Variants in TRAPPC3 observed in about 807,000 individuals in gnomAD.
TRAPPC3 encodes the protein trafficking protein particle complex 3.
TRAPPC3 carries 5 observed loss-of-function variants against 18.2 expected under a neutral mutation model. The ratio of observed to expected loss-of-function variants is 0.28; its 90% CI spans 0.14 to 0.58. TRAPPC3 has a LOEUF of 0.58. TRAPPC3 is among the 20% of genes least tolerant of loss of function. The probability of loss-of-function intolerance (pLI) is 0.91; values close to 1 mark genes in which losing one functional copy is unlikely to be tolerated. For synonymous variants in TRAPPC3, 65 were observed against 84.2 expected (o/e 0.77, Z 1.25); for missense variants, 176 against 225.9 (o/e 0.78, Z 1.41).
intron 3 of TRAPPC3, among the ~76,000 whole-genome samples, chr1:36,138,568 T>C (rs548344228): frequency 5.9e-5 from 9 of 152,218 alleles, no homozygotes; most frequent in Admixed American, 3.3e-4. Context: ...GGGTGCTATG[T>C]CATTTATTAA....
At chr1:36,137,549 G>A (rs1570079914) in intron 4 of TRAPPC3, 2 of 633,004 alleles carry the variant, frequency 3.2e-6, no homozygotes, top group African/African-American at 3.7e-5. Context: ...CACCAAATAA[G>A]CCTATCTGAG....
intron 1 of TRAPPC3, among the ~76,000 whole-genome samples, chr1:36,148,488 G>A (rs745789108): frequency 3.9e-5 from 6 of 151,950 alleles, no homozygotes; most frequent in Non-Finnish European, 8.8e-5. Flanking sequence ...CCAGCTACTC[G>A]GGAGGCTGAG....
upstream of TRAPPC3, among the ~76,000 whole-genome samples, chr1:36,154,343 CCCAT>C (rs1261978919): frequency 1.3e-5 from 2 of 152,228 alleles, no homozygotes; most frequent in Non-Finnish European, 2.9e-5. Flanking sequence ...TCTCGCGACT[CCCAT>C]CCATCCATCC....
At chr1:36,142,198 G>A (rs1049238783) in intron 1 of TRAPPC3, among the ~76,000 whole-genome samples, 8 of 89,046 alleles carry the variant, frequency 9.0e-5, no homozygotes, top group African/African-American at 2.0e-4. Context: ...GGATCAGGAG[G>A]CCCTTTGAAC....
At chr1:36,149,633 T>C, upstream of TRAPPC3, 3 of 562,616 alleles carry the variant, frequency 5.3e-6, no homozygotes, top group East Asian at 6.0e-5. Context: ...CAACTACAAC[T>C]CCCGGAGTGC....
intron 3 of TRAPPC3, among the ~76,000 whole-genome samples, chr1:36,138,648 C>T (rs765129446): frequency 1.3e-5 from 2 of 152,324 alleles, no homozygotes; most frequent in South Asian, 4.2e-4. Flanking sequence ...ATGCTAAACA[C>T]TAGCATTTTA....
intron 1 of TRAPPC3, among the ~76,000 whole-genome samples, chr1:36,144,444 G>C (rs1247859789): frequency 6.6e-6 from 1 of 151,894 alleles, no homozygotes; most frequent in Non-Finnish European, 1.5e-5. Context: ...CCTGAGCCCA[G>C]GAGTTTGAGA....
chr1:36,154,563 C>T (rs1017692430), intron 1 of TRAPPC3, among the ~76,000 whole-genome samples: 4 of 152,112 alleles, frequency 2.6e-5, no homozygotes, highest in East Asian at 1.9e-4. Flanking sequence ...CCGTCATCCC[C>T]GCAGTCCCCC....
chr1:36,153,855 C>T (rs897770644), upstream of TRAPPC3, among the ~76,000 whole-genome samples: 9 of 152,196 alleles, frequency 5.9e-5, no homozygotes, highest in African/African-American at 1.4e-4. Context: ...GCTCACCCTT[C>T]CTCTACTGAA....
intron 1 of TRAPPC3, among the ~76,000 whole-genome samples, chr1:36,142,937 C>T (rs1221523967): frequency 4.6e-5 from 7 of 152,030 alleles, no homozygotes; most frequent in South Asian, 2.1e-4. Context: ...GAGGCTGAGG[C>T]GGGAGGATGG....
rs1200952098 is a variant in TRAPPC3 at position 36,149,210 on chromosome 1, A to G, written c.42+127T>C. 4.6e-6 allele frequency: 7 copies of G among 1,529,742 alleles called. No homozygotes were observed. In the Admixed American group the frequency reaches 8.1e-5, roughly 18 times the overall value. The allele number at this position is 1,529,742 out of a possible 1,614,324, so 94.8% of individuals were successfully genotyped here. A position where few individuals can be genotyped will look rare whatever the true frequency, so the allele number is the denominator to read the frequency against. ...GGAACGCCCCCGGAGTGACCCAGCA[A>G]GAGGCTTCCCCTTGCCAGAGCTCAC... On this transcript the variant is annotated intron_variant, in intron 1 of 4. Transcript: ENST00000373166.
upstream of TRAPPC3, among the ~76,000 whole-genome samples, chr1:36,150,465 T>TG (rs935458852): frequency 2.6e-5 from 4 of 152,326 alleles, no homozygotes; most frequent in East Asian, 1.9e-4. Context: ...GAAGCTGGGC[T>TG]GGGGGGTCCC....
chr1:36,149,355 G>T lies in TRAPPC3; in HGVS notation c.24C>A (p.Gly8=). MSRQANR[G]TESKKMSSEL... ...AAGTTACCATTTTCTTGCTCTCGGT[G>T]CCACGGTTCGCCTGCCTCGACATGG... The change falls in exon 1 of 5, where the codon GGC becomes GGA. Residue 8 remains glycine, a synonymous_variant. Coordinates refer to ENST00000373166, the MANE Select transcript of TRAPPC3 (RefSeq NM_014408.5). The T allele has an allele frequency of 6.2e-7, 1 of 1,613,224 alleles. No individual in the cohort carries two copies. The highest frequency in any genetic ancestry group is 1.1e-5 in the South Asian group (1 of 91,008).
At position 36,136,926 on chromosome 1, in the gene TRAPPC3, T is replaced by C. The variant is rs1432656081; in HGVS notation, c.*277A>G. 7.5e-6 allele frequency: 2 copies of C among 268,232 alleles called. No individual in the cohort carries two copies. Among genetic ancestry groups the C allele is most frequent in the African/African-American group, 4.4e-5 (2 of 45,464 alleles). 16.6% of individuals were successfully genotyped at this position (268,232 alleles called of 1,614,324 possible). A position where few individuals can be genotyped will look rare whatever the true frequency, so the allele number is the denominator to read the frequency against. On this transcript the variant is annotated 3_prime_UTR_variant, in exon 5 of 5. Transcript: ENST00000373166. ...CTTTGGAAAAATTCAAACAGGAATG[T>C]AAAATGGTTTGAGCTCTTTCTAGTC...
intron 1 of TRAPPC3, among the ~76,000 whole-genome samples, chr1:36,145,623 G>A (rs919658328): frequency 1.3e-5 from 2 of 152,164 alleles, no homozygotes; most frequent in African/African-American, 4.8e-5. Context: ...ACAGGCACAT[G>A]AAGGCTACTA....
intron 3 of TRAPPC3, chr1:36,138,181 GTTTTGCCTGTCGCT>G (rs923712058): frequency 6.4e-7 from 1 of 1,550,604 alleles, no homozygotes; most frequent in Non-Finnish European, 8.7e-7. Flanking sequence ...GCATCATACA[GTTTTGCCTGTCGCT>G]TTGTTTTGTT....
intron 1 of TRAPPC3, 110 bp downstream of exon 1, chr1:36,149,227 A>T (rs1644245963): frequency 1.9e-6 from 3 of 1,552,794 alleles, no homozygotes; most frequent in Non-Finnish European, 2.6e-6. Flanking sequence ...TCCCCTTGCC[A>T]GAGCTCACAG....
At chr1:36,143,597 C>T (rs1327699652) in intron 1 of TRAPPC3, among the ~76,000 whole-genome samples, 1 of 152,194 alleles carries the variant, frequency 6.6e-6, no homozygotes, top group Non-Finnish European at 1.5e-5. Flanking sequence ...CTTCACTGAA[C>T]ATAAGCACCA....
chr1:36,144,261 C>G (rs1338950153), intron 1 of TRAPPC3, among the ~76,000 whole-genome samples: 4 of 114,352 alleles, frequency 3.5e-5, no homozygotes, highest in Non-Finnish European at 4.8e-5. Flanking sequence ...GCACTCCAGG[C>G]TGGGAGACAA....
Sources: gnomAD v4.1 joint callset for allele counts (sites outside exome capture counted in the v4.1 genomes callset) on GRCh38, gnomAD v4.1.1 for gene constraint, MANE v1.5 for transcripts, NCBI Gene and HGNC (gene_info 2026-07-23, HGNC 2026-07-21) for gene names.